Variants in MRPL55 observed in about 807,000 individuals in gnomAD.
MRPL55 encodes large ribosomal subunit protein mL55.
MRPL55 carries 7 observed loss-of-function variants against 10.6 expected under a neutral mutation model. The ratio of observed to expected loss-of-function variants is 0.66; its 90% CI spans 0.38 to 1.24. The LOEUF (loss-of-function observed/expected upper bound fraction) is 1.24. Ranked by LOEUF, MRPL55 falls within the 50% of genes most tolerant of loss-of-function variation. The probability of loss-of-function intolerance (pLI) is 0.02; values close to 1 mark genes in which losing one functional copy is unlikely to be tolerated. For synonymous variants in MRPL55, 57 were observed against 71.8 expected (o/e 0.79, Z 1.04); for missense variants, 148 against 180.3 (o/e 0.82, Z 1.03).
chr1:228,108,172 G>A, intron 3 of MRPL55, 63 bp downstream of exon 3: 1 of 1,573,004 alleles, frequency 6.4e-7, no homozygotes. Context: ...TCCTGCTGAA[G>A]AGAGGGGTTC....
At position 228,107,663 on chromosome 1, in the gene MRPL55, C is replaced by T. The variant is rs1558095956; in HGVS notation, c.228+5G>A. 1 of 1,612,498 alleles carries T rather than the reference C, an allele frequency of 6.2e-7. No individual in the cohort carries two copies. Among genetic ancestry groups the T allele is most frequent in the Non-Finnish European group, 8.5e-7 (1 of 1,179,950 alleles). On this transcript the variant is annotated splice_donor_5th_base_variant and intron_variant, in intron 4 of 4. Transcript: ENST00000336520. ...ACCTGGAAGCACCTGGAGAGGGAAG[C>T]TTACCGCCAGCATGCGCCGTGGCTC... is the stretch of plus-strand genomic sequence containing the variant.
rs546614873 is a variant in MRPL55 at position 228,108,374 on chromosome 1, G to T, written c.-58-56C>A. On this transcript the variant is annotated intron_variant, in intron 2 of 4. Coordinates refer to ENST00000336520, the MANE Select transcript of MRPL55 (RefSeq NM_181463.3). ...TAAAAGGAAGGTTCTTCCACCTAAT[G>T]GTTTCTTATCAAATCCCAGCCCAGG... The T allele has an allele frequency of 6.8e-6, 8 of 1,174,506 alleles. No individual in the cohort carries two copies. In the African/African-American group the frequency reaches 9.3e-5, roughly 14 times the overall value. 72.8% of individuals were successfully genotyped at this position (1,174,506 alleles called of 1,614,324 possible). A position where few individuals can be genotyped will look rare whatever the true frequency, so the allele number is the denominator to read the frequency against.
Position 228,108,383 on chromosome 1 carries a change from T to A in MRPL55, c.-58-65A>T. 3 of 1,081,412 alleles carry A rather than the reference T, an allele frequency of 2.8e-6. No homozygotes were observed. The South Asian group carries it at 4.5e-5, about 16-fold the overall frequency. 67.0% of individuals were successfully genotyped at this position (1,081,412 alleles called of 1,614,324 possible). A position where few individuals can be genotyped will look rare whatever the true frequency, so the allele number is the denominator to read the frequency against. ...GGTTCTTCCACCTAATGGTTTCTTA[T>A]CAAATCCCAGCCCAGGATGCTTCCA... is the stretch of plus-strand genomic sequence containing the variant. On this transcript the variant is annotated intron_variant, in intron 2 of 4. Coordinates refer to ENST00000336520, the MANE Select transcript of MRPL55 (RefSeq NM_181463.3).
chr1:228,107,184 C>T (rs1489236613), intron 4 of MRPL55, among the ~76,000 whole-genome samples: 1 of 152,152 alleles, frequency 6.6e-6, no homozygotes, highest in East Asian at 1.9e-4. Context: ...TTTGGGAGGC[C>T]TAGGTGAGAG....
chr1:228,107,889 C>T lies in MRPL55; in HGVS notation c.27-20G>A, dbSNP rs987416049. The T allele has an allele frequency of 1.9e-6, 3 of 1,612,468 alleles. No homozygotes were observed. Among genetic ancestry groups the T allele is most frequent in the African/African-American group, 2.7e-5 (2 of 74,932 alleles). ...AGCCGGCTGCAGATAAATGTTCAAG[C>T]TCTGGTCAGCCGACAGTGCTGCAGC... On this transcript the variant is annotated intron_variant, in intron 3 of 4. Transcript: ENST00000336520.
At chr1:228,108,468 G>A (rs2033438573) in intron 2 of MRPL55, 150 bp from the exon 3 acceptor site, 2 of 591,936 alleles carry the variant, frequency 3.4e-6, no homozygotes, top group Non-Finnish European at 6.0e-6. Context: ...GGACTTCTCA[G>A]AACCGCCTGT....
Position 228,107,696 on chromosome 1 carries a change from C to T in MRPL55, c.200G>A (p.Arg67His), listed in dbSNP as rs372191384. ...CAGCATGCGCCGTGGCTCCCTGTAG[C>T]GGATGTGGATGGTGGAGCCATCCTG... ...VKQDGSTIHI[R>H]YREPRRMLAM... Residue 67 changes from arginine (R) to histidine (H), a missense_variant, in exon 4 of 5, where the codon CGC becomes CAC. Arg to His is a conservative substitution (Grantham distance 29). Coordinates refer to ENST00000336520, the MANE Select transcript of MRPL55 (RefSeq NM_181463.3). 3.0e-5 allele frequency: 49 copies of T among 1,613,242 alleles called. No individual in the cohort carries two copies. The African/African-American group carries it at 5.3e-4, about 18-fold the overall frequency.
intron 2 of MRPL55, chr1:228,108,560 C>T (rs1407389000): frequency 4.5e-6 from 2 of 448,960 alleles, no homozygotes; most frequent in Non-Finnish European, 7.9e-6. Flanking sequence ...GCTGTCTGTT[C>T]TGGCCGTTAC....
chr1:228,106,816 T>C lies in MRPL55; in HGVS notation c.331A>G (p.Ser111Gly), dbSNP rs528711259. Residue 111 changes from serine to glycine, a missense_variant, in exon 5 of 5, where the codon AGT becomes GGT. Transcript: ENST00000336520. The part of the protein sequence containing the change: ...QSRKEYEQEL[S>G]DDLHVERYRQ... ...TAGCGCTCCACATGCAAGTCATCAC[T>C]GAGCTCCTGCTCGTACTCCTTCCTC... 42 of 1,614,030 alleles carry C rather than the reference T, an allele frequency of 2.6e-5. No homozygotes were observed. The East Asian group carries it at 8.9e-4, about 34-fold the overall frequency.
At position 228,107,714 on chromosome 1, in the gene MRPL55, C is replaced by T. The variant is rs780916740; in HGVS notation, c.182G>A (p.Gly61Asp). The change falls in exon 4 of 5, where the codon GGC (glycine) becomes GAC (aspartate). Residue 61 changes from glycine (G) to aspartate (D), a missense_variant. By Grantham distance (94) the Gly-to-Asp change is moderately conservative. Transcript: ENST00000336520. ...CCTGTAGCGGATGTGGATGGTGGAG[C>T]CATCCTGCTTCACCAGCAGCACGGG... is the stretch of plus-strand genomic sequence containing the variant. ...LYPVLLVKQD[G>D]STIHIRYREP... The T allele has an allele frequency of 2.9e-5, 46 of 1,613,000 alleles. No homozygotes were observed.
intron 3 of MRPL55, 147 bp downstream of exon 3, chr1:228,108,088 A>G (rs751875581): frequency 6.5e-7 from 1 of 1,535,018 alleles, no homozygotes; most frequent in Non-Finnish European, 8.8e-7. Flanking sequence ...TGCCAGGCTG[A>G]GCAAGGGCAC....
In MRPL55 at chr1:228,106,850, C is replaced by G; in HGVS notation, c.297G>C (p.Gln99His). 6.2e-7 allele frequency: 1 copy of G among 1,613,930 alleles called. No individual in the cohort carries two copies. Residue 99 changes from glutamine to histidine, a missense_variant, in exon 5 of 5, where the codon CAG (glutamine) becomes CAC (histidine). Gln to His is a conservative substitution (Grantham distance 24). Coordinates refer to ENST00000336520, the MANE Select transcript of MRPL55 (RefSeq NM_181463.3). Reference sequence around the variant, plus strand: ...GCTCGTACTCCTTCCTCGACTGGAGCTGAGCCTCACGCTTCCGCAGCCTGG... The same window carrying G: ...GCTCGTACTCCTTCCTCGACTGGAGGTGAGCCTCACGCTTCCGCAGCCTGG... ...RRARLRKREA[Q>H]LQSRKEYEQE...
intron 4 of MRPL55, among the ~76,000 whole-genome samples, chr1:228,107,398 T>C (rs2033246363): frequency 6.6e-6 from 1 of 152,212 alleles, no homozygotes; most frequent in African/African-American, 2.4e-5. Context: ...CACTCCAGCC[T>C]GGTTGACAGA....
chr1:228,106,773 C>T lies in MRPL55; in HGVS notation c.374G>A (p.Arg125Lys). The change falls in exon 5 of 5, where the codon AGG (arginine) becomes AAG (lysine). Residue 125 changes from arginine to lysine, a missense_variant. By Grantham distance (26) the Arg-to-Lys change is conservative. Coordinates refer to ENST00000336520, the MANE Select transcript of MRPL55 (RefSeq NM_181463.3). ...HVERYRQFWT[R>K]TKK Reference sequence around the variant, plus strand: ...CTGGAGCCACGGTCACTTCTTGGTCCTGGTCCAGAACTGTCGGTAGCGCTC... The same window carrying T: ...CTGGAGCCACGGTCACTTCTTGGTCTTGGTCCAGAACTGTCGGTAGCGCTC... 1.2e-6 allele frequency: 2 copies of T among 1,612,746 alleles called. No homozygotes were observed. The highest frequency in any genetic ancestry group is 1.7e-6 in the Non-Finnish European group (2 of 1,179,332).
chr1:228,108,257 C>A lies in MRPL55; in HGVS notation c.4G>T (p.Ala2Ser). 6.2e-7 allele frequency: 1 copy of A among 1,611,434 alleles called. No homozygotes were observed. Among genetic ancestry groups the A allele is most frequent in the Non-Finnish European group, 8.5e-7 (1 of 1,179,152 alleles). Reference protein sequence around the residue: MAAVGSLLGRLR... With the variant: MSAVGSLLGRLR... ...TACCCAAGCAGGCTGCCCACGGCCG[C>A]CATTCCTCCTTACAGCCCCAGTGGC... The change falls in exon 3 of 5, where the codon GCG (alanine) becomes TCG (serine). Residue 2 changes from alanine (A) to serine (S), a missense_variant. Ala to Ser is a moderately conservative substitution (Grantham distance 99). Transcript: ENST00000336520.
chr1:228,106,917 A>G lies in MRPL55; in HGVS notation c.230T>C (p.Met77Thr), dbSNP rs997281111. Residue 77 changes from methionine to threonine, a missense_variant and splice_region_variant, in exon 5 of 5, where the codon ATG becomes ACG. Transcript: ENST00000336520. Reference sequence around the variant, plus strand: ...AGACAGGGTGTCCAGATCTATGGGCATCTGCAGGGGACAGACCAAGTTTCG... The same window carrying G: ...AGACAGGGTGTCCAGATCTATGGGCGTCTGCAGGGGACAGACCAAGTTTCG... ...RYREPRRMLA[M>T]PIDLDTLSPE... The G allele has an allele frequency of 4.3e-6, 7 of 1,612,732 alleles. No homozygotes were observed. Among genetic ancestry groups the G allele is most frequent in the Non-Finnish European group, 5.9e-6 (7 of 1,179,600 alleles).
Position 228,107,736 on chromosome 1 carries a change from CG to C in MRPL55, c.159del (p.Val54CysfsTer4). On this transcript the variant is annotated frameshift_variant, in exon 4 of 5. Transcript: ENST00000336520. LOFTEE classifies it high-confidence loss of function. ...GAGCCATCCTGCTTCACCAGCAGCA[CG>C]GGGTAGAGTCGTGCATAAGCCTGGC... is the stretch of plus-strand genomic sequence containing the variant. ...VHRQAYARLY[P>X]VLLVKQDGST... 1 of 1,613,242 alleles carries C rather than the reference CG, an allele frequency of 6.2e-7. No homozygotes were observed.
intron 2 of MRPL55, 127 bp from the exon 3 acceptor site, chr1:228,108,445 C>T (rs994793202): frequency 3.1e-5 from 20 of 646,400 alleles, no homozygotes; most frequent in Non-Finnish European, 4.8e-5. Flanking sequence ...ACCAACCTCT[C>T]CCAGCAACCC....
rs757494185 is a variant in MRPL55, at chr1:228,107,679, G to A, written c.217C>T (p.Arg73Cys). 57 of 1,612,778 alleles carry A rather than the reference G, an allele frequency of 3.5e-5. No individual in the cohort carries two copies. Among genetic ancestry groups the A allele is most frequent in the Non-Finnish European group, 4.3e-5 (51 of 1,179,992 alleles). Residue 73 changes from arginine to cysteine, a missense_variant, in exon 4 of 5, where the codon CGC becomes TGC. Arg to Cys is a radical substitution (Grantham distance 180). Transcript: ENST00000336520. ...TIHIRYREPR[R>C]MLAMPIDLDT... ...AGAGGGAAGCTTACCGCCAGCATGC[G>A]CCGTGGCTCCCTGTAGCGGATGTGG... is the stretch of plus-strand genomic sequence containing the variant.
Sources: allele counts gnomAD v4.1 joint callset (sites outside exome capture counted in the v4.1 genomes callset), GRCh38; gene constraint gnomAD v4.1.1; transcripts MANE v1.5; gene names NCBI Gene and HGNC (gene_info 2026-07-23, HGNC 2026-07-21).